The following RHOBTB3 variants were observed in gnomAD, a reference collection of about 807,000 sequenced individuals.
RHOBTB3 encodes the protein Rho related BTB domain containing 3.
Under a neutral mutation model 67.2 loss-of-function variants are expected in RHOBTB3, and 47 were observed. The observed-to-expected ratio is 0.70, with a 90% CI of 0.55 to 0.89. RHOBTB3 has a LOEUF of 0.89. RHOBTB3 is among the 40% of genes least tolerant of loss of function. The probability of loss-of-function intolerance (pLI) is 0.00; values close to 1 mark genes in which losing one functional copy is unlikely to be tolerated. For missense variants in RHOBTB3, 631 were observed against 750.0 expected (o/e 0.84, Z 1.85); for synonymous variants, 273 against 274.2 (o/e 1.00, Z 0.04).
chr5:95,759,367 T>C (rs1745335529), intron 6 of RHOBTB3, among the ~76,000 whole-genome samples: 2 of 152,248 alleles, frequency 1.3e-5, no homozygotes, highest in South Asian at 4.1e-4. Flanking sequence ...TATTATTCTT[T>C]AATTATTTAC....
chr5:95,764,641 T>C (rs1745490494), intron 7 of RHOBTB3, among the ~76,000 whole-genome samples: 1 of 152,240 alleles, frequency 6.6e-6, no homozygotes, highest in East Asian at 1.9e-4. Flanking sequence ...AGGTAAGTTA[T>C]ATGCAATACT....
rs375490973 is a variant in RHOBTB3, at chr5:95,753,722, G to A, written c.682+1372G>A. 9.2e-5 allele frequency among the ~76,000 whole-genome samples: 14 copies of A among 152,294 alleles called. 1 individual carries two copies. In the South Asian group the frequency reaches 1.5e-3, roughly 16 times the overall value. ...GGTGGGAAATGACCACATAAATAATGTAGATAGTTAGTTCTTAGTTCTTAT... is the reference window on the plus strand; with the variant it reads ...GGTGGGAAATGACCACATAAATAATATAGATAGTTAGTTCTTAGTTCTTAT... On this transcript the variant is annotated intron_variant, in intron 5 of 11. Coordinates refer to ENST00000379982, the MANE Select transcript of RHOBTB3 (RefSeq NM_014899.4).
chr5:95,794,278 A>G lies in RHOBTB3; in HGVS notation c.*1104A>G, dbSNP rs1746507341. Reference sequence around the variant, plus strand: ...TGACTAACCAGCCTAACTTTAATACACATGTATAAAGATGTTCACAGAGAA... The same window carrying G: ...TGACTAACCAGCCTAACTTTAATACGCATGTATAAAGATGTTCACAGAGAA... On this transcript the variant is annotated 3_prime_UTR_variant, in exon 12 of 12. Coordinates refer to ENST00000379982, the MANE Select transcript of RHOBTB3 (RefSeq NM_014899.4). The G allele has an allele frequency of 4.3e-6, 1 of 235,260 alleles. No homozygotes were observed. The highest frequency in any genetic ancestry group is 5.1e-5 in the Admixed American group (1 of 19,766). 14.6% of individuals were successfully genotyped at this position (235,260 alleles called of 1,614,324 possible). A position where few individuals can be genotyped will look rare whatever the true frequency, so the allele number is the denominator to read the frequency against.
intron 7 of RHOBTB3, among the ~76,000 whole-genome samples, chr5:95,766,855 CTT>C (rs1745558931): frequency 6.6e-6 from 1 of 152,112 alleles, no homozygotes. Context: ...CCAGGAAACT[CTT>C]TATAGGTTCT....
In RHOBTB3 at chr5:95,732,085, GT is replaced by G. The variant is rs772329551; in HGVS notation, c.228+2del. On this transcript the variant is annotated splice_donor_variant, in intron 2 of 11. Coordinates refer to ENST00000379982, the MANE Select transcript of RHOBTB3 (RefSeq NM_014899.4). LOFTEE classifies it high-confidence loss of function. ...GGTGGTCCACGACTGTCCCGTCTGG[GT>G]AAGGAAGAGCAGCTGCTCCGCGCTG... 6.2e-7 allele frequency: 1 copy of G among 1,613,540 alleles called. No individual in the cohort carries two copies. Among genetic ancestry groups the G allele is most frequent in the Non-Finnish European group, 8.5e-7 (1 of 1,179,446 alleles).
intron 7 of RHOBTB3, among the ~76,000 whole-genome samples, chr5:95,765,399 C>T (rs1007947894): frequency 2.1e-4 from 32 of 152,130 alleles, no homozygotes; most frequent in Non-Finnish European, 2.2e-4. Flanking sequence ...CATGGTATTG[C>T]GCTGAATTCC....
chr5:95,783,945 C>G lies in RHOBTB3; in HGVS notation c.1605C>G (p.Asp535Glu), dbSNP rs1339498302. The stretch of plus-strand genomic sequence containing the variant: ...CATCCATGAACCTTGATATAGTTGA[C>G]CTGCTTAAAAAGGCCAAGGTAATTG... ...ELASMNLDIVDLLKKAKFHHS... is the reference protein window; with the variant it reads ...ELASMNLDIVELLKKAKFHHS... Residue 535 changes from aspartate (D) to glutamate (E), a missense_variant, in exon 10 of 12, where the codon GAC becomes GAG. Transcript: ENST00000379982. 5.6e-6 allele frequency: 9 copies of G among 1,612,508 alleles called. No homozygotes were observed. Among genetic ancestry groups the G allele is most frequent in the Middle Eastern group, 1.6e-4 (1 of 6,076 alleles).
At chr5:95,743,833 T>C (rs1429294034) in intron 3 of RHOBTB3, among the ~76,000 whole-genome samples, 8 of 150,736 alleles carry the variant, frequency 5.3e-5, no homozygotes, top group Admixed American at 2.6e-4. Context: ...CTCAGCCTCC[T>C]AAGTAGCTGC....
At chr5:95,790,300 T>A (rs1454286296) in intron 11 of RHOBTB3, among the ~76,000 whole-genome samples, 1 of 152,220 alleles carries the variant, frequency 6.6e-6, no homozygotes, top group Non-Finnish European at 1.5e-5. Context: ...AGTAGCTGCT[T>A]CTATAGTTAT....
At chr5:95,787,040 C>T (rs889245145) in intron 10 of RHOBTB3, among the ~76,000 whole-genome samples, 2 of 152,214 alleles carry the variant, frequency 1.3e-5, no homozygotes, top group Admixed American at 6.5e-5. Context: ...TCAGATGTGT[C>T]ATCCTACTGT....
chr5:95,748,059 C>G (rs1744972478), intron 3 of RHOBTB3, among the ~76,000 whole-genome samples: 1 of 152,184 alleles, frequency 6.6e-6, no homozygotes, highest in South Asian at 2.1e-4. Flanking sequence ...AAGAAGCAGG[C>G]CCACGAGTAC....
rs1487961993 is a variant in RHOBTB3 at position 95,793,399 on chromosome 5, A to G, written c.*225A>G. 2.8e-6 allele frequency: 1 copy of G among 357,018 alleles called. No homozygotes were observed. 22.1% of individuals were successfully genotyped at this position (357,018 alleles called of 1,614,324 possible). A position where few individuals can be genotyped will look rare whatever the true frequency, so the allele number is the denominator to read the frequency against. On this transcript the variant is annotated 3_prime_UTR_variant, in exon 12 of 12. Coordinates refer to ENST00000379982, the MANE Select transcript of RHOBTB3 (RefSeq NM_014899.4). ...ACTAAGGCTTTCACTCTAGAATGCA[A>G]AGCTGTTTTGCAGCTGTTTTCCCTT...
intron 10 of RHOBTB3, among the ~76,000 whole-genome samples, chr5:95,786,995 C>T (rs1036347860): frequency 2.6e-5 from 4 of 152,182 alleles, no homozygotes; most frequent in Admixed American, 6.5e-5. Flanking sequence ...TTCCTCATTC[C>T]TCAGTTCTTT....
chr5:95,732,677 A>G (rs941403893), intron 2 of RHOBTB3: 1 of 145,316 alleles, frequency 6.9e-6, no homozygotes, highest in Non-Finnish European at 1.5e-5. Flanking sequence ...TTAGTGACTC[A>G]TAAATCAGAA....
At chr5:95,776,224 T>C (rs1428588329) in intron 8 of RHOBTB3, among the ~76,000 whole-genome samples, 1 of 151,970 alleles carries the variant, frequency 6.6e-6, no homozygotes, top group Non-Finnish European at 1.5e-5. Context: ...CTGGCCAACA[T>C]GGTGAAACCC....
rs765540949 is a variant in RHOBTB3, at chr5:95,793,137, A to G, written c.1799A>G (p.Tyr600Cys). 1.9e-6 allele frequency: 3 copies of G among 1,612,842 alleles called. No individual in the cohort carries two copies. The highest frequency in any genetic ancestry group is 1.7e-5 in the Admixed American group (1 of 59,776). ...YLKQLAEYRKYIHSRKCRCLV... is the reference protein window; with the variant it reads ...YLKQLAEYRKCIHSRKCRCLV... Reference sequence around the variant, plus strand: ...AAGCAGCTTGCGGAATACAGGAAGTATATTCACTCCCGGAAATGTCGTTGC... The same window carrying G: ...AAGCAGCTTGCGGAATACAGGAAGTGTATTCACTCCCGGAAATGTCGTTGC... Residue 600 changes from tyrosine to cysteine, a missense_variant, in exon 12 of 12, where the codon TAT (tyrosine) becomes TGT (cysteine). Coordinates refer to ENST00000379982, the MANE Select transcript of RHOBTB3 (RefSeq NM_014899.4).
intron 7 of RHOBTB3, 105 bp from the exon 8 acceptor site, chr5:95,767,941 T>A: frequency 9.3e-7 from 1 of 1,076,982 alleles, no homozygotes; most frequent in Admixed American, 1.8e-5. Flanking sequence ...TAGGGAATCA[T>A]ATTTCTTTTG....
chr5:95,752,466 C>A, intron 5 of RHOBTB3, 116 bp downstream of exon 5: 1 of 738,664 alleles, frequency 1.4e-6, no homozygotes, highest in Non-Finnish European at 2.3e-6. Flanking sequence ...ACCTGACATT[C>A]TGATTCAGTC....
intron 11 of RHOBTB3, 91 bp from the exon 12 acceptor site, chr5:95,792,960 AGCTGGATC>A (rs1430774483): frequency 7.8e-6 from 6 of 771,182 alleles, no homozygotes; most frequent in Non-Finnish European, 1.3e-5. Context: ...TGTATCACAG[AGCTGGATC>A]TCATCTATTA....
Sources: allele counts gnomAD v4.1 joint callset (sites outside exome capture counted in the v4.1 genomes callset), GRCh38; gene constraint gnomAD v4.1.1; transcripts MANE v1.5; gene names NCBI Gene and HGNC (gene_info 2026-07-23, HGNC 2026-07-21).